The following LPIN2 variants were observed in gnomAD, a reference collection of about 807,000 sequenced individuals.
LPIN2 encodes lipin 2.
In LPIN2, 55 loss-of-function variants were observed where a neutral mutation model predicts 111.4. The observed-to-expected ratio is 0.49, with a 90% CI of 0.40 to 0.62. The LOEUF (loss-of-function observed/expected upper bound fraction) is 0.62, where lower values mean the gene tolerates loss of function less well. Among genes scored for constraint, LPIN2 ranks in the 20% least tolerant of loss-of-function variants. The pLI is 0.00. For synonymous variants in LPIN2, 425 were observed against 414.0 expected (o/e 1.03, Z -0.32); for missense variants, 992 against 1,112.1 (o/e 0.89, Z 1.54).
intron 1 of LPIN2, among the ~76,000 whole-genome samples, chr18:2,996,521 A>T (rs538651663): frequency 3.3e-4 from 38 of 115,998 alleles, no homozygotes; most frequent in African/African-American, 1.3e-3. Flanking sequence ...TCTGTCACCC[A>T]GGCTGGAGTG....
At chr18:2,963,690 C>T (rs2077746196) in intron 1 of LPIN2, among the ~76,000 whole-genome samples, 1 of 151,668 alleles carries the variant, frequency 6.6e-6, no homozygotes, top group Non-Finnish European at 1.5e-5. Flanking sequence ...TTGGAGATGC[C>T]CACACAAAAA....
At chr18:3,010,488 C>T (rs953868112) in intron 1 of LPIN2, among the ~76,000 whole-genome samples, 10 of 151,900 alleles carry the variant, frequency 6.6e-5, no homozygotes, top group Non-Finnish European at 1.5e-4. Flanking sequence ...TAAAAACTTA[C>T]CAAGCAGTGA....
chr18:2,960,295 G>A (rs928497743), intron 2 of LPIN2, among the ~76,000 whole-genome samples: 1 of 150,610 alleles, frequency 6.6e-6, no homozygotes, highest in Non-Finnish European at 1.5e-5. Flanking sequence ...TACTATATAA[G>A]GTAAAGGAAA....
chr18:2,958,174 CAG>C lies in LPIN2; in HGVS notation c.192+2473_192+2474del, dbSNP rs2077651550. On this transcript the variant is annotated intron_variant, in intron 2 of 19. Coordinates refer to ENST00000677752, the MANE Select transcript of LPIN2 (RefSeq NM_001375808.2). ...AAAAAAAAACAACAAAAAAAAAAAA[CAG>C]AAAAAAGAAAAAAAAACTTTTATAA... Among the ~76,000 whole-genome samples the C allele has an allele frequency of 3.0e-4, 17 of 56,206 alleles. 1 individual carries two copies. Among genetic ancestry groups the C allele is most frequent in the Non-Finnish European group, 5.4e-4 (14 of 25,792 alleles). The allele number at this position is 56,206 out of a possible 152,430, so 36.9% of individuals were successfully genotyped here.
chr18:2,987,509 A>AT (rs2078203669), intron 1 of LPIN2, among the ~76,000 whole-genome samples: 2 of 152,024 alleles, frequency 1.3e-5, no homozygotes, highest in Admixed American at 1.3e-4. Flanking sequence ...TCCTTGACTT[A>AT]TTTTTTTCCA....
intron 1 of LPIN2, among the ~76,000 whole-genome samples, chr18:2,995,989 A>C (rs1422228425): frequency 6.6e-6 from 1 of 152,194 alleles, no homozygotes; most frequent in Admixed American, 6.5e-5. Context: ...TGTATAACGG[A>C]GGACAAAACT....
intron 10 of LPIN2, 131 bp downstream of exon 10, chr18:2,928,934 T>C (rs2077174718): frequency 8.4e-6 from 6 of 710,648 alleles, no homozygotes; most frequent in African/African-American, 3.5e-5. Flanking sequence ...TTCAAAGTCA[T>C]TGCCCACTGG....
intron 4 of LPIN2, among the ~76,000 whole-genome samples, chr18:2,947,772 G>A (rs773820831): frequency 6.6e-6 from 1 of 152,208 alleles, no homozygotes; most frequent in Admixed American, 6.5e-5. Context: ...ATTCCGCAAC[G>A]CCACGTAATT....
chr18:2,923,420 C>CAAAAAAAAA (rs869052239), intron 16 of LPIN2, among the ~76,000 whole-genome samples: 1 of 26,590 alleles, frequency 3.8e-5, no homozygotes, highest in Non-Finnish European at 8.3e-5. Context: ...AACTCCATCT[C>CAAAAAAAAA]AAAAAAAAAA....
intron 1 of LPIN2, among the ~76,000 whole-genome samples, chr18:3,009,764 A>G (rs939839156): frequency 6.6e-6 from 1 of 152,142 alleles, no homozygotes; most frequent in Non-Finnish European, 1.5e-5. Context: ...CTTGTTAACA[A>G]TTTTAACATA....
chr18:2,956,198 T>A (rs1448347104), intron 2 of LPIN2, among the ~76,000 whole-genome samples: 11 of 152,174 alleles, frequency 7.2e-5, no homozygotes, highest in Admixed American at 7.2e-4. Flanking sequence ...AGAACCATGT[T>A]TCCTGTTGAA....
intron 1 of LPIN2, among the ~76,000 whole-genome samples, chr18:2,994,734 T>A (rs1423124856): frequency 2.0e-5 from 3 of 152,140 alleles, no homozygotes; most frequent in African/African-American, 7.2e-5. Context: ...CAGATGCCAG[T>A]AGCACCCTCC....
At chr18:3,011,550 G>A (rs540928736) in intron 1 of LPIN2, among the ~76,000 whole-genome samples, 55 of 152,286 alleles carry the variant, frequency 3.6e-4, no homozygotes, top group African/African-American at 1.3e-3. Flanking sequence ...AGCTGAGTGT[G>A]GTGGCTCATG....
At chr18:2,951,717 T>A (rs1434738574) in intron 3 of LPIN2, among the ~76,000 whole-genome samples, 1 of 152,134 alleles carries the variant, frequency 6.6e-6, no homozygotes, top group Non-Finnish European at 1.5e-5. Flanking sequence ...TACAAAGGAC[T>A]CTCTCAAGAA....
intron 1 of LPIN2, among the ~76,000 whole-genome samples, chr18:2,964,767 G>A (rs1427793332): frequency 6.6e-6 from 1 of 152,120 alleles, no homozygotes; most frequent in Non-Finnish European, 1.5e-5. Context: ...ACTTTACCAA[G>A]AAGTCCATAA....
In LPIN2 at chr18:2,939,613, G is replaced by A; in HGVS notation, c.699-10C>T. 6.2e-7 allele frequency: 1 copy of A among 1,612,538 alleles called. No individual in the cohort carries two copies. Among genetic ancestry groups the A allele is most frequent in the Non-Finnish European group, 8.5e-7 (1 of 1,179,552 alleles). Reference sequence around the variant, plus strand: ...TGTCTGGGGATAGGTGCTGCAAAGAGAACAAAGACACACGATGACTTGAAA... The same window carrying A: ...TGTCTGGGGATAGGTGCTGCAAAGAAAACAAAGACACACGATGACTTGAAA... On this transcript the variant is annotated splice_polypyrimidine_tract_variant and intron_variant, in intron 5 of 19. Transcript: ENST00000677752.
chr18:2,950,026 G>A (rs965385920), intron 4 of LPIN2, among the ~76,000 whole-genome samples: 4 of 152,018 alleles, frequency 2.6e-5, no homozygotes, highest in South Asian at 2.1e-4. Flanking sequence ...GCTTGAGTTC[G>A]GGAGTTCAAT....
Position 2,925,657 on chromosome 18 carries a change from G to A in LPIN2, c.1794-289C>T, listed in dbSNP as rs1464228693. On this transcript the variant is annotated intron_variant, in intron 13 of 19. Coordinates refer to ENST00000677752, the MANE Select transcript of LPIN2 (RefSeq NM_001375808.2). This position sits in a 1 kb window ranked among gnomAD's most constrained non-coding sequence, Gnocchi z 4.1. Reference sequence around the variant, plus strand: ...AGGTCTACTGACTCTTGTTGAAGAGGGTATGTATGTTTCACAAGGCACAAA... The same window carrying A: ...AGGTCTACTGACTCTTGTTGAAGAGAGTATGTATGTTTCACAAGGCACAAA... 6.6e-6 allele frequency among the ~76,000 whole-genome samples: 1 copy of A among 152,102 alleles called. No homozygotes were observed. The highest frequency in any genetic ancestry group is 2.4e-5 in the African/African-American group (1 of 41,408).
At chr18:2,928,291 T>C (rs1451533492) in intron 11 of LPIN2, among the ~76,000 whole-genome samples, 4 of 152,232 alleles carry the variant, frequency 2.6e-5, no homozygotes, top group Non-Finnish European at 5.9e-5. Context: ...AAAAGTTTTT[T>C]TCATTCATTC....
Sources: gnomAD v4.1 joint callset for allele counts (sites outside exome capture counted in the v4.1 genomes callset) on GRCh38, gnomAD v4.1.1 for gene constraint, Gnocchi (gnomAD v3.1) non-coding constraint, MANE v1.5 for transcripts, NCBI Gene and HGNC (gene_info 2026-07-23, HGNC 2026-07-21) for gene names.